The following IQCE variants were observed in gnomAD, a reference collection of about 807,000 sequenced individuals.
The protein encoded by IQCE is IQ domain-containing protein E.
In IQCE, 115 loss-of-function variants were observed where a neutral mutation model predicts 96.0. The ratio of observed to expected loss-of-function variants is 1.20; its 90% CI spans 1.03 to 1.40. The LOEUF is 1.40. IQCE is among the 40% of genes most tolerant of loss of function. The probability of loss-of-function intolerance (pLI) is 0.00; values close to 1 mark genes in which losing one functional copy is unlikely to be tolerated. For missense variants in IQCE, 1,041 were observed against 909.1 expected (o/e 1.15, Z -1.87); for synonymous variants, 412 against 371.2 (o/e 1.11, Z -1.26).
chr7:2,587,418 A>T (rs1332046605), intron 12 of IQCE, among the ~76,000 whole-genome samples: 1 of 147,716 alleles, frequency 6.8e-6, no homozygotes, highest in African/African-American at 2.5e-5. Context: ...GGGGGAGGCG[A>T]GGGGCAGCCA....
chr7:2,575,254 C>T (rs888152830), intron 6 of IQCE, among the ~76,000 whole-genome samples: 34 of 152,220 alleles, frequency 2.2e-4, no homozygotes, highest in Non-Finnish European at 4.1e-4. Flanking sequence ...GGTACCACCT[C>T]GTTATCACCC....
rs774299735 is a variant in IQCE at position 2,601,539 on chromosome 7, G to A, written c.1632+75G>A. 3.9e-6 allele frequency: 4 copies of A among 1,018,288 alleles called. No homozygotes were observed. In the Admixed American group the frequency reaches 7.0e-5, roughly 18 times the overall value. 63.1% of individuals were successfully genotyped at this position (1,018,288 alleles called of 1,614,324 possible). ...AAAAGTAGGTGAGGGGATATTTAAAGATGTGTTGATTCCTTTTCTTTTTTT... is the reference window on the plus strand; with the variant it reads ...AAAAGTAGGTGAGGGGATATTTAAAAATGTGTTGATTCCTTTTCTTTTTTT... On this transcript the variant is annotated intron_variant, in intron 18 of 21. Coordinates refer to ENST00000402050, the MANE Select transcript of IQCE (RefSeq NM_152558.5).
chr7:2,571,396 TGCCA>T, intron 3 of IQCE, 126 bp from the exon 4 acceptor site: 5 of 1,123,824 alleles, frequency 4.4e-6, no homozygotes, highest in Admixed American at 4.3e-5. Context: ...TTTTCATTTT[TGCCA>T]GAATGTTTGA....
chr7:2,586,448 C>G, intron 12 of IQCE, 77 bp downstream of exon 12: 1 of 1,439,510 alleles, frequency 6.9e-7, no homozygotes, highest in Non-Finnish European at 9.5e-7. Flanking sequence ...CTGGGTAGGC[C>G]CAACTGAGGA....
intron 5 of IQCE, chr7:2,572,567 A>G (rs1781835085): frequency 1.6e-6 from 1 of 625,062 alleles, no homozygotes; most frequent in East Asian, 2.9e-5. Flanking sequence ...TGTCATCTGT[A>G]CCTCCCTCCC....
rs1186949857 is a variant in IQCE at position 2,583,679 on chromosome 7, G to A, written c.744G>A (p.Met248Ile). 6.3e-7 allele frequency: 1 copy of A among 1,581,490 alleles called. No homozygotes were observed. The highest frequency in any genetic ancestry group is 8.6e-7 in the Non-Finnish European group (1 of 1,160,404). Residue 248 changes from methionine to isoleucine, a missense_variant, in exon 10 of 22, where the codon ATG (methionine) becomes ATA (isoleucine). By Grantham distance (10) the Met-to-Ile change is conservative (BLOSUM62 1). Transcript: ENST00000402050. ...TDMKTTNLEE[M>I]RIAMETYYEE... is the part of the protein sequence containing the mutation. ...TGAAGACTACCAACCTGGAAGAGAT[G>A]CGGATCGCCATGGAGACATACTACG...
chr7:2,570,340 G>A (rs953944025), intron 3 of IQCE, among the ~76,000 whole-genome samples: 1 of 151,790 alleles, frequency 6.6e-6, no homozygotes, highest in African/African-American at 2.4e-5. Flanking sequence ...CCTACTCGCC[G>A]ATAAGCCCAC....
In IQCE at chr7:2,578,587, C is replaced by T. The variant is rs1782399842; in HGVS notation, c.630+61C>T. On this transcript the variant is annotated intron_variant, in intron 8 of 21. Transcript: ENST00000402050. ...AGACGCTAGTTACTGGGGACAGCCA[C>T]AGAGGGACGCCTTTCCCTGCAGCAC... The T allele has an allele frequency of 2.6e-6, 4 of 1,568,176 alleles. No individual in the cohort carries two copies. The South Asian group carries it at 3.3e-5, about 13-fold the overall frequency.
At chr7:2,597,121 G>A (rs1283540540) in intron 16 of IQCE, 1 of 470,186 alleles carries the variant, frequency 2.1e-6, no homozygotes, top group Non-Finnish European at 4.4e-6. Flanking sequence ...ATCATGAGAA[G>A]GAGAGGGCGA....
At chr7:2,559,768 G>T (rs944855331) in intron 1 of IQCE, among the ~76,000 whole-genome samples, 1 of 20,664 alleles carries the variant, frequency 4.8e-5, no homozygotes, top group East Asian at 1.8e-3. Flanking sequence ...ATTCCAGTGG[G>T]GGGGGGGGGG....
chr7:2,559,007 A>G lies in IQCE; in HGVS notation c.-175A>G. Reference sequence around the variant, plus strand: ...CACGCGCATGGTCGCCCCAGGGGGAACGCAGGTCGCTTACCCGGCTGGGTA... The same window carrying G: ...CACGCGCATGGTCGCCCCAGGGGGAGCGCAGGTCGCTTACCCGGCTGGGTA... On this transcript the variant is annotated 5_prime_UTR_variant, in exon 1 of 22. Coordinates refer to ENST00000402050, the MANE Select transcript of IQCE (RefSeq NM_152558.5). The G allele has an allele frequency of 3.0e-6, 1 of 331,064 alleles. No individual in the cohort carries two copies. Among genetic ancestry groups the G allele is most frequent in the Non-Finnish European group, 5.4e-6 (1 of 186,140 alleles). The allele number at this position is 331,064 out of a possible 1,614,324, so 20.5% of individuals were successfully genotyped here. A position where few individuals can be genotyped will look rare whatever the true frequency, so the allele number is the denominator to read the frequency against.
At position 2,559,276 on chromosome 7, in the gene IQCE, C is replaced by T. The variant is rs577780586; in HGVS notation, c.36+59C>T. The T allele has an allele frequency of 2.5e-5, 27 of 1,079,752 alleles. No individual in the cohort carries two copies. In the South Asian group the frequency reaches 2.7e-4, roughly 11 times the overall value. The allele number at this position is 1,079,752 out of a possible 1,614,324, so 66.9% of individuals were successfully genotyped here. A position where few individuals can be genotyped will look rare whatever the true frequency, so the allele number is the denominator to read the frequency against. On this transcript the variant is annotated intron_variant, in intron 1 of 21. Coordinates refer to ENST00000402050, the MANE Select transcript of IQCE (RefSeq NM_152558.5). ...CGTCCGCGAGGCCTCGGCTCGTCTCCGTCGCCCGCAGCCTCGGGGCCCCGC... is the reference window on the plus strand; with the variant it reads ...CGTCCGCGAGGCCTCGGCTCGTCTCTGTCGCCCGCAGCCTCGGGGCCCCGC...
At chr7:2,566,364 G>A (rs761906916) in intron 1 of IQCE, among the ~76,000 whole-genome samples, 52 of 150,924 alleles carry the variant, frequency 3.4e-4, no homozygotes, top group Non-Finnish European at 6.8e-4. Context: ...CCTGGACCAG[G>A]ACAAAGTCAC....
At chr7:2,597,146 G>C in intron 16 of IQCE, 1 of 468,026 alleles carries the variant, frequency 2.1e-6, no homozygotes, top group Non-Finnish European at 4.4e-6. Flanking sequence ...AGGTGAGCCG[G>C]CTGGTTAGGG....
rs754045558 is a variant in IQCE, at chr7:2,590,048, G to T, written c.1186G>T (p.Ala396Ser). The T allele has an allele frequency of 6.2e-7, 1 of 1,613,644 alleles. No individual in the cohort carries two copies. Among genetic ancestry groups the T allele is most frequent in the Non-Finnish European group, 8.5e-7 (1 of 1,179,946 alleles). ...RNKDHERLRG[A>S]VRDLKEERTA... ...CAAGGACCACGAGCGTCTCCGAGGG[G>T]CTGTGAGAGACCTGAAGGAAGAGCG... The change falls in exon 14 of 22, where the codon GCT becomes TCT. Residue 396 changes from alanine to serine, a missense_variant. Ala to Ser is a moderately conservative substitution (Grantham distance 99). Transcript: ENST00000402050.
intron 16 of IQCE, among the ~76,000 whole-genome samples, chr7:2,597,480 G>T (rs1583491657): frequency 6.6e-6 from 1 of 152,236 alleles, no homozygotes; most frequent in African/African-American, 2.4e-5. Context: ...CTGTGGACAG[G>T]CCACCTGCGC....
intron 21 of IQCE, among the ~76,000 whole-genome samples, chr7:2,609,343 G>C (rs1785009908): frequency 6.8e-6 from 1 of 147,076 alleles, no homozygotes; most frequent in Admixed American, 6.9e-5. Flanking sequence ...GTGCAGTCTA[G>C]CTGTGTTGCC....
intron 12 of IQCE, among the ~76,000 whole-genome samples, 156 bp downstream of exon 12, chr7:2,586,527 G>A (rs1418926417): frequency 2.0e-5 from 3 of 152,256 alleles, no homozygotes; most frequent in African/African-American, 4.8e-5. Flanking sequence ...CACCTGCCGC[G>A]GGCCACGCGA....
intron 1 of IQCE, among the ~76,000 whole-genome samples, chr7:2,560,375 C>A (rs1780854721): frequency 6.6e-6 from 1 of 152,224 alleles, no homozygotes; most frequent in Non-Finnish European, 1.5e-5. Flanking sequence ...CAGAGGAAGC[C>A]TTTGGAAGGT....
Sources: gnomAD v4.1 joint callset for allele counts (sites outside exome capture counted in the v4.1 genomes callset) on GRCh38, gnomAD v4.1.1 for gene constraint, MANE v1.5 for transcripts, NCBI Gene and HGNC (gene_info 2026-07-23, HGNC 2026-07-21) for gene names.